Variants in PDK3 observed in about 807,000 individuals in gnomAD.
The protein encoded by PDK3 is pyruvate dehydrogenase kinase, isozyme 3.
In PDK3, 12 loss-of-function variants were observed where a neutral mutation model predicts 32.0. The ratio of observed to expected loss-of-function variants is 0.37; its 90% CI spans 0.24 to 0.61. The LOEUF is 0.61. PDK3 is among the 20% of genes least tolerant of loss of function. PDK3 has a pLI of 0.65. For synonymous variants in PDK3, 122 were observed against 116.3 expected (o/e 1.05, Z -0.31); for missense variants, 188 against 316.9 (o/e 0.59, Z 3.09).
chrX:24,535,504 C>CAAAAAAAA (rs778785042), downstream of PDK3, among the ~76,000 whole-genome samples: 1 of 55,504 alleles, frequency 1.8e-5, no homozygotes. Flanking sequence ...GACTCCATCT[C>CAAAAAAAA]AAAAAAAAAA....
At chrX:24,493,620 A>G (rs1921628459) in intron 1 of PDK3, among the ~76,000 whole-genome samples, 1 of 111,755 alleles carries the variant, frequency 8.9e-6, no homozygotes, top group Non-Finnish European at 1.9e-5. Context: ...GGGAGATGGG[A>G]TGGACCCCTC....
chrX:24,523,020 A>G (rs1569226515), intron 6 of PDK3, among the ~76,000 whole-genome samples: 2 of 112,063 alleles, frequency 1.8e-5, no homozygotes, highest in Non-Finnish European at 3.8e-5. Context: ...GCCTTAGTCC[A>G]TTTAGGCTGC....
intron 1 of PDK3, among the ~76,000 whole-genome samples, chrX:24,482,532 G>A (rs1921289609): frequency 8.9e-6 from 1 of 111,874 alleles, no homozygotes; most frequent in South Asian, 3.7e-4. Flanking sequence ...GTTTAACATA[G>A]TATACCATTG....
At position 24,528,090 on chromosome X, in the gene PDK3, T is replaced by C; in HGVS notation, c.867T>C (p.Gly289=). The C allele has an allele frequency of 1.7e-6, 2 of 1,168,014 alleles. No individual in the cohort carries two copies. Among genetic ancestry groups the C allele is most frequent in the Non-Finnish European group, 1.2e-6 (1 of 855,466 alleles). ...GAACATTGCAGATCAGTGACCTAGG[T>C]GGTGGTGTCCCACTTCGAAAAATAG... ...EDLSIKISDL[G]GGVPLRKIDR... The change falls in exon 9 of 11, where the codon GGT becomes GGC. Residue 289 remains glycine, a synonymous_variant. Coordinates refer to ENST00000379162, the MANE Select transcript of PDK3 (RefSeq NM_005391.5).
chrX:24,465,826 G>T (rs7877946), intron 1 of PDK3, among the ~76,000 whole-genome samples: 1 of 110,434 alleles, frequency 9.1e-6, no homozygotes, highest in Non-Finnish European at 1.9e-5. Context: ...CCAAACCTGC[G>T]GTCGTTAGCT....
chrX:24,499,968 GTCATT>G (rs1921812250), intron 3 of PDK3, among the ~76,000 whole-genome samples: 1 of 112,057 alleles, frequency 8.9e-6, no homozygotes, highest in Admixed American at 9.5e-5. Flanking sequence ...AGCCACTGCT[GTCATT>G]TAAGCGATTA....
chrX:24,508,857 C>T (rs1219225793), intron 5 of PDK3, among the ~76,000 whole-genome samples: 2 of 111,306 alleles, frequency 1.8e-5, no homozygotes, highest in South Asian at 7.6e-4. Context: ...GGATTACAGG[C>T]ACCCACCATC....
chrX:24,479,343 A>G lies in PDK3; in HGVS notation c.106+13782A>G, dbSNP rs1009800546. 3.6e-5 allele frequency among the ~76,000 whole-genome samples: 4 copies of G among 112,202 alleles called. No homozygotes were observed. In the Admixed American group the frequency reaches 3.8e-4, roughly 11 times the overall value. On this transcript the variant is annotated intron_variant, in intron 1 of 10. Transcript: ENST00000379162. ...TGTCTCAGGGAGTCTCCTGTTCTCT[A>G]GAAATTGCCCTTCATGGCCAGGGTA...
intron 5 of PDK3, chrX:24,513,483 T>A: frequency 7.2e-6 from 1 of 138,154 alleles, no homozygotes; most frequent in Non-Finnish European, 1.5e-5. Flanking sequence ...CTTCAGATAC[T>A]TGCAAAATAG....
chrX:24,503,514 A>T lies in PDK3; in HGVS notation c.505+3A>T, dbSNP rs1921912997. ...CCGCATGCTTATTAATCAGCACAGT[A>T]AGTTGGAGTTTGTTGGTCCAGTTTT... On this transcript the variant is annotated splice_donor_region_variant and intron_variant, in intron 4 of 10. Coordinates refer to ENST00000379162, the MANE Select transcript of PDK3 (RefSeq NM_005391.5). 1 of 1,143,527 alleles carries T rather than the reference A, an allele frequency of 8.7e-7. No individual in the cohort carries two copies. The highest frequency in any genetic ancestry group is 1.2e-6 in the Non-Finnish European group (1 of 856,779). The allele number at this position is 1,143,527 out of a possible 1,213,427, so 94.2% of individuals were successfully genotyped here.
chrX:24,542,344 C>A (rs776284957), exon 12 of PDK3, among the ~76,000 whole-genome samples: 2 of 112,109 alleles, frequency 1.8e-5, no homozygotes, highest in African/African-American at 6.5e-5. Flanking sequence ...ATACAGCATG[C>A]CATTTGATCC....
downstream of PDK3, among the ~76,000 whole-genome samples, chrX:24,535,520 A>AAAG (rs1202108884): frequency 4.6e-3 from 463 of 99,870 alleles, 2 homozygotes; most frequent in Non-Finnish European, 6.3e-3. Flanking sequence ...AAAAAAAAAA[A>AAAG]AAGAAGAAGA....
At chrX:24,506,956 G>A (rs111522477) in intron 5 of PDK3, among the ~76,000 whole-genome samples, 104 of 108,917 alleles carry the variant, frequency 9.5e-4, no homozygotes, top group Non-Finnish European at 1.4e-3. Context: ...GACTACAGGC[G>A]CATGCCACCA....
exon 12 of PDK3, chrX:24,539,444 C>G (rs180817239): frequency 1.3e-5 from 4 of 299,342 alleles, no homozygotes; most frequent in Non-Finnish European, 2.3e-5. Flanking sequence ...CTTGTGCCCT[C>G]GTACTCTCCA....
At chrX:24,514,162 A>G (rs1393341099) in intron 5 of PDK3, among the ~76,000 whole-genome samples, 3 of 111,717 alleles carry the variant, frequency 2.7e-5, no homozygotes, top group African/African-American at 9.8e-5. Context: ...TATCTGTTCA[A>G]TTTTCCTGTG....
At chrX:24,515,670 G>A (rs767719825) in intron 5 of PDK3, among the ~76,000 whole-genome samples, 1 of 111,859 alleles carries the variant, frequency 8.9e-6, no homozygotes, top group African/African-American at 3.2e-5. Flanking sequence ...ATTGTTTGGC[G>A]GCATAGGCTA....
At chrX:24,518,102 AT>A (rs894827673) in intron 5 of PDK3, among the ~76,000 whole-genome samples, 2 of 112,330 alleles carry the variant, frequency 1.8e-5, no homozygotes, top group African/African-American at 6.5e-5. Flanking sequence ...TGGTAATAGT[AT>A]AAGTTAAACA....
chrX:24,531,819 G>A (rs755445648), intron 10 of PDK3, 49 bp downstream of exon 10: 7 of 658,994 alleles, frequency 1.1e-5, no homozygotes, highest in African/African-American at 6.5e-5. Context: ...TTTTAAAGCT[G>A]TAAGTTCTAA....
chrX:24,520,173 A>C (rs1183950744), intron 6 of PDK3, among the ~76,000 whole-genome samples: 1 of 112,034 alleles, frequency 8.9e-6, no homozygotes, highest in Non-Finnish European at 1.9e-5. Context: ...ACCCTGGGCA[A>C]TAGTTTGAAA....
Sources: allele counts gnomAD v4.1 joint callset (sites outside exome capture counted in the v4.1 genomes callset), GRCh38; gene constraint gnomAD v4.1.1; transcripts MANE v1.5; gene names NCBI Gene and HGNC (gene_info 2026-07-23, HGNC 2026-07-21).